Variants in TRIO observed in about 807,000 individuals in gnomAD.
TRIO encodes triple functional domain protein.
Under a neutral mutation model 351.9 loss-of-function variants are expected in TRIO, and 58 were observed. That is an observed-to-expected ratio of 0.16 (90% CI 0.13 to 0.21). The LOEUF (loss-of-function observed/expected upper bound fraction) is 0.21. Ranked by LOEUF, TRIO falls within the 10% of genes least tolerant of loss-of-function variation. TRIO has a pLI of 1.00. For synonymous variants in TRIO, 1,758 were observed against 1,595.7 expected (o/e 1.10, Z -2.42); for missense variants, 3,201 against 4,027.8 (o/e 0.79, Z 5.56).
chr5:14,410,154 C>T (rs1049986631), intron 33 of TRIO, among the ~76,000 whole-genome samples: 7 of 152,124 alleles, frequency 4.6e-5, no homozygotes, highest in African/African-American at 1.4e-4. Context: ...GTTCTGGAGA[C>T]CTGCATTTGG....
intron 13 of TRIO, among the ~76,000 whole-genome samples, chr5:14,362,878 TTTA>T (rs1322162117): frequency 2.0e-5 from 3 of 152,176 alleles, no homozygotes; most frequent in African/African-American, 7.2e-5. Flanking sequence ...AATTTTCAAT[TTTA>T]TTATTCTTTC....
At chr5:14,375,801 G>A (rs1011618208) in intron 19 of TRIO, among the ~76,000 whole-genome samples, 3 of 152,126 alleles carry the variant, frequency 2.0e-5, no homozygotes, top group South Asian at 2.1e-4. Context: ...GAAAAAATGC[G>A]TTATCTCATA....
At chr5:14,367,423 G>A (rs1224783458) in intron 16 of TRIO, among the ~76,000 whole-genome samples, 1 of 152,262 alleles carries the variant, frequency 6.6e-6, no homozygotes, top group Admixed American at 6.5e-5. Flanking sequence ...GCAAGACCAG[G>A]TGTATATCAT....
intron 33 of TRIO, among the ~76,000 whole-genome samples, chr5:14,417,506 G>A (rs367637036): frequency 2.6e-5 from 4 of 152,348 alleles, no homozygotes; most frequent in Admixed American, 6.5e-5. Flanking sequence ...GTGAGCCATC[G>A]GAGGATGTGC....
chr5:14,460,907 G>A, intron 34 of TRIO, 112 bp from the exon 35 acceptor site: 2 of 1,296,808 alleles, frequency 1.5e-6, no homozygotes, highest in Non-Finnish European at 1.0e-6. Flanking sequence ...AAAGCCCGCT[G>A]ACGAGGCATC....
chr5:14,267,439 A>G (rs767703053), intron 1 of TRIO, among the ~76,000 whole-genome samples: 21 of 152,236 alleles, frequency 1.4e-4, no homozygotes, highest in Admixed American at 4.6e-4. Flanking sequence ...GGCAGCCTGT[A>G]TTTGCTGCTG....
At position 14,286,878 on chromosome 5, in the gene TRIO, G is replaced by T. The variant is rs149046966; in HGVS notation, c.355G>T (p.Val119Phe). The change falls in exon 4 of 57, where the codon GTC (valine) becomes TTC (phenylalanine). Residue 119 changes from valine (V) to phenylalanine (F), a missense_variant. By Grantham distance (50) the Val-to-Phe change is conservative. Transcript: ENST00000344204. The surrounding 1 kb of genome is among the most constrained non-coding windows in gnomAD (Gnocchi z 4.4). The part of the protein sequence containing the change: ...SYLACIPSEE[V>F]CKRGFTVIVD... ...TGTTTTCTTTCTCTGCAGCGAGGAG[G>T]TCTGCAAGCGTGGCTTCACGGTGAT... The T allele has an allele frequency of 1.9e-6, 3 of 1,612,844 alleles. No individual in the cohort carries two copies. The African/African-American group carries it at 4.0e-5, about 22-fold the overall frequency.
At chr5:14,342,463 A>G (rs1179189284) in intron 11 of TRIO, among the ~76,000 whole-genome samples, 2 of 152,238 alleles carry the variant, frequency 1.3e-5, no homozygotes, top group Non-Finnish European at 2.9e-5. Flanking sequence ...CAGTGGTTCC[A>G]GTGCAGGGCC....
chr5:14,422,637 G>A (rs895037230), intron 34 of TRIO, among the ~76,000 whole-genome samples: 3 of 152,138 alleles, frequency 2.0e-5, no homozygotes, highest in African/African-American at 7.2e-5. Flanking sequence ...GAAGTCTGTC[G>A]GACACTGAGA....
intron 1 of TRIO, among the ~76,000 whole-genome samples, chr5:14,214,804 CTATT>C (rs1388527985): frequency 6.6e-6 from 1 of 152,120 alleles, no homozygotes; most frequent in African/African-American, 2.4e-5. Flanking sequence ...AGTGTGTGTT[CTATT>C]TATTTCTGAC....
At chr5:14,162,684 A>G (rs1331323061) in intron 1 of TRIO, among the ~76,000 whole-genome samples, 2 of 152,230 alleles carry the variant, frequency 1.3e-5, no homozygotes, top group Non-Finnish European at 2.9e-5. Flanking sequence ...TGGCTTGATG[A>G]TAATCGTATT....
rs553972357 is a variant in TRIO, at chr5:14,348,497, G to A, written c.2047-9681G>A. 8.5e-4 allele frequency among the ~76,000 whole-genome samples: 130 copies of A among 152,380 alleles called. 1 individual carries two copies. Among genetic ancestry groups the A allele is most frequent in the African/African-American group, 3.0e-3 (124 of 41,596 alleles). ...TGCTTGTGTGTGCGTGTGTCTGTATGTACGTGCACATGCACGTGAGGATGT... is the reference window on the plus strand; with the variant it reads ...TGCTTGTGTGTGCGTGTGTCTGTATATACGTGCACATGCACGTGAGGATGT... On this transcript the variant is annotated intron_variant, in intron 11 of 56. Transcript: ENST00000344204.
intron 34 of TRIO, among the ~76,000 whole-genome samples, chr5:14,460,596 T>C (rs1753706517): frequency 1.3e-5 from 2 of 152,280 alleles, no homozygotes; most frequent in South Asian, 4.1e-4. Context: ...CTAAAACTTC[T>C]CAAAATTTCC....
chr5:14,490,694 A>G (rs1756418960), intron 48 of TRIO: 3 of 424,360 alleles, frequency 7.1e-6, no homozygotes, highest in South Asian at 5.0e-5. Flanking sequence ...ATTAAGCAGG[A>G]TAGACTTGAA....
chr5:14,228,870 CA>C (rs1219761043), intron 1 of TRIO, among the ~76,000 whole-genome samples: 5 of 147,982 alleles, frequency 3.4e-5, no homozygotes, highest in Non-Finnish European at 7.5e-5. Flanking sequence ...GACTCCATCT[CA>C]AAAAAAAAGA....
At chr5:14,467,819 T>TA (rs1206323170) in intron 37 of TRIO, among the ~76,000 whole-genome samples, 2 of 151,638 alleles carry the variant, frequency 1.3e-5, no homozygotes, top group African/African-American at 4.8e-5. Context: ...ATCAAAAAAA[T>TA]AAAAAAAGGA....
rs557882836 is a variant in TRIO, at chr5:14,449,570, A to C, written c.5204-11449A>C. 5.9e-5 allele frequency among the ~76,000 whole-genome samples: 9 copies of C among 152,302 alleles called. No individual in the cohort carries two copies. In the South Asian group the frequency reaches 1.9e-3, roughly 32 times the overall value. On this transcript the variant is annotated intron_variant, in intron 34 of 56. Coordinates refer to ENST00000344204, the MANE Select transcript of TRIO (RefSeq NM_007118.4). ...ATAGGCTCATCTTTTCCTGGAAGCC[A>C]ACAGCCTAGTGATCAACTGTCCACC...
chr5:14,502,654 G>A lies in TRIO; in HGVS notation c.8408G>A (p.Gly2803Asp). 1 of 1,614,214 alleles carries A rather than the reference G, an allele frequency of 6.2e-7. No individual in the cohort carries two copies. Among genetic ancestry groups the A allele is most frequent in the Non-Finnish European group, 8.5e-7 (1 of 1,180,036 alleles). ...TTCTACAGTGAAGTGGCTGAGCTTG[G>A]CAGGTATGATGCACAACCCAGAACG... Reference protein sequence around the residue: ...DSFYSEVAELGRGRFSVVKKC... With the variant: ...DSFYSEVAELDRGRFSVVKKC... Residue 2803 changes from glycine (G) to aspartate (D), a missense_variant, in exon 54 of 57, where the codon GGC (glycine) becomes GAC (aspartate). Around this residue, in one of 19 missense-constraint regions of TRIO, gnomAD observed 1,089 missense variants for 954.9 expected, o/e 1.14. Coordinates refer to ENST00000344204, the MANE Select transcript of TRIO (RefSeq NM_007118.4).
At position 14,388,688 on chromosome 5, in the gene TRIO, G is replaced by GTTT. The variant is rs57751910; in HGVS notation, c.3948+25_3948+27dup. The GTTT allele has an allele frequency of 3.5e-3, 5,072 of 1,430,058 alleles. No homozygotes were observed. Among genetic ancestry groups the GTTT allele is most frequent in the African/African-American group, 0.011 (665 of 62,722 alleles). The allele number at this position is 1,430,058 out of a possible 1,614,324, so 88.6% of individuals were successfully genotyped here. A position where few individuals can be genotyped will look rare whatever the true frequency, so the allele number is the denominator to read the frequency against. ...TCCGGGAATGTATGGATGTAAGTAAGTTTTTTTTTTTTTTTTTTGCTTGTT... is the reference window on the plus strand; with the variant it reads ...TCCGGGAATGTATGGATGTAAGTAAGTTTTTTTTTTTTTTTTTTTTTGCTTGTT... On this transcript the variant is annotated intron_variant, in intron 24 of 56. Transcript: ENST00000344204.
Sources: allele counts gnomAD v4.1 joint callset (sites outside exome capture counted in the v4.1 genomes callset), GRCh38; gene constraint gnomAD v4.1.1; regional missense constraint gnomAD v4.1.1; non-coding constraint Gnocchi (gnomAD v3.1); transcripts MANE v1.5; gene names NCBI Gene and HGNC (gene_info 2026-07-23, HGNC 2026-07-21).